COASY: variants seen among roughly 807,000 people sequenced by gnomAD.
The protein encoded by COASY is bifunctional coenzyme A synthase.
Under a neutral mutation model 49.4 loss-of-function variants are expected in COASY, and 31 were observed. That is an observed-to-expected ratio of 0.63 (90% CI 0.47 to 0.85). The LOEUF is 0.85. COASY is among the 40% of genes least tolerant of loss of function. The pLI, the probability that COASY is intolerant of heterozygous loss-of-function variation, is 0.00. For synonymous variants in COASY, 285 were observed against 310.9 expected, an observed-to-expected ratio of 0.92 and a Z score of 0.88; for missense variants, 730 against 734.1, an observed-to-expected ratio of 0.99 and a Z score of 0.06.
At position 42,565,890 on chromosome 17, in the gene COASY, C is replaced by T; in HGVS notation, c.1633-16C>T. 6.2e-7 allele frequency: 1 copy of T among 1,614,020 alleles called. No individual in the cohort carries two copies. Among genetic ancestry groups the T allele is most frequent in the Non-Finnish European group, 8.5e-7 (1 of 1,180,038 alleles). On this transcript the variant is annotated splice_polypyrimidine_tract_variant and intron_variant, in intron 8 of 8. Coordinates refer to ENST00000393818, the MANE Select transcript of COASY (RefSeq NM_025233.7). ...CCCTGCCCTCTCTTCCTCCCAACAT[C>T]CTGGCCTGTCTGAAGGTGGAGAAAG... is the stretch of plus-strand genomic sequence containing the variant.
In COASY at chr17:42,563,625, C is replaced by A. The variant is rs1597713283; in HGVS notation, c.700+303C>A. On this transcript the variant is annotated intron_variant, in intron 1 of 8. Transcript: ENST00000393818. ...TGGGAATGAATGGGTGAGTGAGCTGCAGGTAGCAGTGCCACAGACAGGAGG... is the reference window on the plus strand; with the variant it reads ...TGGGAATGAATGGGTGAGTGAGCTGAAGGTAGCAGTGCCACAGACAGGAGG... 6 of 515,912 alleles carry A rather than the reference C, an allele frequency of 1.2e-5. No homozygotes were observed. The East Asian group carries it at 1.7e-4, about 14-fold the overall frequency. 32.0% of individuals were successfully genotyped at this position (515,912 alleles called of 1,614,324 possible). A position where few individuals can be genotyped will look rare whatever the true frequency, so the allele number is the denominator to read the frequency against.
Position 42,563,159 on chromosome 17 carries a change from C to A in COASY, c.537C>A (p.Pro179=). The A allele has an allele frequency of 6.2e-7, 1 of 1,613,984 alleles. No homozygotes were observed. Among genetic ancestry groups the A allele is most frequent in the South Asian group, 1.1e-5 (1 of 91,082 alleles). Residue 179 remains proline, a synonymous_variant, in exon 1 of 9, where the codon CCC becomes CCA. Transcript: ENST00000393818. ...CCTCCACGATCAGGCCAGCTTCCCC[C>A]GTGGCCGGGTCTCCAAAGCAGCCGG... The part of the protein sequence containing the change: ...PLPSTIRPAS[P]VAGSPKQPVR...
Position 42,563,085 on chromosome 17 carries a change from G to A in COASY, c.463G>A (p.Asp155Asn). Reference protein sequence around the residue: ...PRLASVLLYSDYGIGEVPVEP... With the variant: ...PRLASVLLYSNYGIGEVPVEP... ...ACTGGCCTCGGTGCTGCTATACTCC[G>A]ATTATGGGATAGGAGAAGTGCCCGT... The change falls in exon 1 of 9, where the codon GAT (aspartate) becomes AAT (asparagine). Residue 155 changes from aspartate to asparagine, a missense_variant. Transcript: ENST00000393818. The A allele has an allele frequency of 6.2e-7, 1 of 1,613,944 alleles. No homozygotes were observed. Among genetic ancestry groups the A allele is most frequent in the South Asian group, 1.1e-5 (1 of 91,084 alleles).
Position 42,563,002 on chromosome 17 carries a change from A to G in COASY, c.380A>G (p.Asn127Ser). ...DFQTLDGSQY[N>S]PVKQQLVRYA... The stretch of plus-strand genomic sequence containing the variant: ...CAGACCCTGGATGGAAGCCAGTACA[A>G]CCCGGTCAAACAGCAGCTAGTGCGT... The change falls in exon 1 of 9, where the codon AAC becomes AGC. Residue 127 changes from asparagine to serine, a missense_variant. By Grantham distance (46) the Asn-to-Ser change is conservative. Transcript: ENST00000393818. 1 of 1,613,976 alleles carries G rather than the reference A, an allele frequency of 6.2e-7. No homozygotes were observed. The highest frequency in any genetic ancestry group is 8.5e-7 in the Non-Finnish European group (1 of 1,179,986).
rs754871882 is a variant in COASY at position 42,565,587 on chromosome 17, C to A, written c.1485+19C>A. On this transcript the variant is annotated intron_variant, in intron 7 of 8. Transcript: ENST00000393818. ...GACTGAGGTATCTCGCCCCACCCCC[C>A]ACACCATCCCTACTGCAGATCCTAT... The A allele has an allele frequency of 4.3e-6, 7 of 1,614,046 alleles. No homozygotes were observed. The Admixed American group carries it at 5.0e-5, about 12-fold the overall frequency.
Position 42,565,966 on chromosome 17 carries a change from T to G in COASY, c.1693T>G (p.Ter565GlyextTer25), listed in dbSNP as rs781511200. The G allele has an allele frequency of 1.2e-6, 2 of 1,613,648 alleles. No homozygotes were observed. Among genetic ancestry groups the G allele is most frequent in the East Asian group, 4.5e-5 (2 of 44,892 alleles). Residue 565 changes from the stop codon to glycine, a stop_lost, in exon 9 of 9, where the codon TGA becomes GGA. Transcript: ENST00000393818. ...RIPKTHQALD* is the reference protein window; with the variant it reads ...RIPKTHQALDG Reference sequence around the variant, plus strand: ...TCCCAAGACTCATCAGGCCCTCGACTGAAAAGTTCTCAGTGGGGCCAGACT... The same window carrying G: ...TCCCAAGACTCATCAGGCCCTCGACGGAAAAGTTCTCAGTGGGGCCAGACT...
chr17:42,563,283 C>T lies in COASY; in HGVS notation c.661C>T (p.Gln221Ter). The stretch of plus-strand genomic sequence containing the variant: ...TGTCGCGTGCATCCTGGCCCAGGAG[C>T]AGCTTGTGGTGGGAGTAGCAGACAA... ...LSVACILAQE[Q>*]LVVGVADKDL... Residue 221 changes from glutamine to a stop codon, truncating the protein, a stop_gained, in exon 1 of 9, where the codon CAG (glutamine) becomes TAG (stop). Coordinates refer to ENST00000393818, the MANE Select transcript of COASY (RefSeq NM_025233.7). LOFTEE classifies it high-confidence loss of function. The T allele has an allele frequency of 6.2e-7, 1 of 1,605,158 alleles. No individual in the cohort carries two copies. Among genetic ancestry groups the T allele is most frequent in the South Asian group, 1.1e-5 (1 of 91,030 alleles).
Position 42,565,823 on chromosome 17 carries a change from G to A in COASY, c.1632+18G>A. 6.2e-7 allele frequency: 1 copy of A among 1,613,938 alleles called. No homozygotes were observed. The highest frequency in any genetic ancestry group is 8.5e-7 in the Non-Finnish European group (1 of 1,179,982). On this transcript the variant is annotated intron_variant, in intron 8 of 8. Coordinates refer to ENST00000393818, the MANE Select transcript of COASY (RefSeq NM_025233.7). Reference sequence around the variant, plus strand: ...AACGCCAGGTTGGTGCCCAGGGCAAGGCCGGGTTGTGGGGAAGGAGTCTCC... The same window carrying A: ...AACGCCAGGTTGGTGCCCAGGGCAAAGCCGGGTTGTGGGGAAGGAGTCTCC...
Position 42,562,811 on chromosome 17 carries a change from G to A in COASY, c.189G>A (p.Glu63=), listed in dbSNP as rs768104219. 8 of 1,612,736 alleles carry A rather than the reference G, an allele frequency of 5.0e-6. No homozygotes were observed. The East Asian group carries it at 6.7e-5, about 13-fold the overall frequency. Residue 63 remains glutamate (E), a synonymous_variant, in exon 1 of 9, where the codon GAG becomes GAA. Transcript: ENST00000393818. ...CCAGCCCCGTGCAGGCCACGTTTGA[G>A]GTTCTTGATTTCATCACGCACCTCT... ...PQSSPVQATF[E]VLDFITHLYA...
chr17:42,565,701 G>A lies in COASY; in HGVS notation c.1528G>A (p.Ala510Thr), dbSNP rs199623481. The A allele has an allele frequency of 2.2e-5, 35 of 1,614,014 alleles. No homozygotes were observed. In the East Asian group the frequency reaches 5.8e-4, roughly 27 times the overall value. The change falls in exon 8 of 9, where the codon GCG becomes ACG. Residue 510 changes from alanine (A) to threonine (T), a missense_variant. Physicochemically the swap from Ala to Thr is moderately conservative, Grantham distance 58 (BLOSUM62 0). Coordinates refer to ENST00000393818, the MANE Select transcript of COASY (RefSeq NM_025233.7). Reference protein sequence around the residue: ...IVERDGLSEAAAQSRLQSQMS... With the variant: ...IVERDGLSEATAQSRLQSQMS... ...GGAGAGGGATGGCCTCAGTGAAGCC[G>A]CGGCTCAAAGCCGGCTGCAGAGCCA... is the stretch of plus-strand genomic sequence containing the variant.
chr17:42,564,899 G>T lies in COASY; in HGVS notation c.1237+1G>T. The stretch of plus-strand genomic sequence containing the variant: ...CCTGTGGTGGAGGCCTTTGGAACAG[G>T]TAATAACTGGGGAAGGCTGAAAGTG... On this transcript the variant is annotated splice_donor_variant, in intron 4 of 8. Coordinates refer to ENST00000393818, the MANE Select transcript of COASY (RefSeq NM_025233.7). LOFTEE classifies it high-confidence loss of function. 5 of 1,613,134 alleles carry T rather than the reference G, an allele frequency of 3.1e-6. No individual in the cohort carries two copies. Among genetic ancestry groups the T allele is most frequent in the Non-Finnish European group, 4.2e-6 (5 of 1,179,346 alleles).
In COASY at chr17:42,562,773, G is replaced by T; in HGVS notation, c.151G>T (p.Ala51Ser). Reference sequence around the variant, plus strand: ...GCCGGGCATGAGCCTGGAGGGCCCGGCTCAGCCCCAGTCCAGCCCCGTGCA... The same window carrying T: ...GCCGGGCATGAGCCTGGAGGGCCCGTCTCAGCCCCAGTCCAGCCCCGTGCA... ...LQPGMSLEGP[A>S]QPQSSPVQAT... is the part of the protein sequence containing the mutation. Residue 51 changes from alanine to serine, a missense_variant, in exon 1 of 9, where the codon GCT (alanine) becomes TCT (serine). Coordinates refer to ENST00000393818, the MANE Select transcript of COASY (RefSeq NM_025233.7). 1 of 1,601,356 alleles carries T rather than the reference G, an allele frequency of 6.2e-7. No homozygotes were observed. The highest frequency in any genetic ancestry group is 1.1e-5 in the South Asian group (1 of 90,732).
chr17:42,562,185 G>C lies in COASY; in HGVS notation c.-438G>C, dbSNP rs2092977865. 4.3e-6 allele frequency: 2 copies of C among 466,856 alleles called. No individual in the cohort carries two copies. The highest frequency in any genetic ancestry group is 2.0e-5 in the African/African-American group (1 of 49,600). The allele number at this position is 466,856 out of a possible 1,614,324, so 28.9% of individuals were successfully genotyped here. A position where few individuals can be genotyped will look rare whatever the true frequency, so the allele number is the denominator to read the frequency against. ...GGGTTGCAGCCAGGGAAGCCTCCGC[G>C]GTGGTGCAAGTGGAACCCAAGCCTT... On this transcript the variant is annotated 5_prime_UTR_variant, in exon 1 of 9. Coordinates refer to ENST00000393818, the MANE Select transcript of COASY (RefSeq NM_025233.7).
rs762573411 is a variant in COASY at position 42,563,198 on chromosome 17, C to T, written c.576C>T (p.Tyr192=). The change falls in exon 1 of 9, where the codon TAC becomes TAT. Residue 192 remains tyrosine (Y), a synonymous_variant. Transcript: ENST00000393818. ...GSPKQPVRGY[Y]RGAVGGTFDR... ...CAAAGCAGCCGGTGCGTGGCTACTACCGTGGCGCTGTCGGTGGCACGTTTG... is the reference window on the plus strand; with the variant it reads ...CAAAGCAGCCGGTGCGTGGCTACTATCGTGGCGCTGTCGGTGGCACGTTTG... 2 of 1,613,918 alleles carry T rather than the reference C, an allele frequency of 1.2e-6. No homozygotes were observed. Among genetic ancestry groups the T allele is most frequent in the Admixed American group, 1.7e-5 (1 of 60,024 alleles).
chr17:42,564,977 G>C lies in COASY; in HGVS notation c.1238-6G>C, dbSNP rs2092994874. On this transcript the variant is annotated splice_polypyrimidine_tract_variant and splice_region_variant and intron_variant, in intron 4 of 8. Coordinates refer to ENST00000393818, the MANE Select transcript of COASY (RefSeq NM_025233.7). ...CTGTGCTCAGTTGTCTGTCTGTGTT[G>C]TCCAGATATTCTCCATAAAGATGGC... 1.2e-6 allele frequency: 2 copies of C among 1,614,070 alleles called. No homozygotes were observed. Among genetic ancestry groups the C allele is most frequent in the Non-Finnish European group, 1.7e-6 (2 of 1,180,026 alleles).
At chr17:42,563,887 A>G (rs2092989232) in intron 1 of COASY, 74 bp from the exon 2 acceptor site, 2 of 1,251,222 alleles carry the variant, frequency 1.6e-6, no homozygotes, top group African/African-American at 3.0e-5. Context: ...ACTTAGGGAC[A>G]CTTTTTCCCA....
chr17:42,565,729 T>G lies in COASY; in HGVS notation c.1556T>G (p.Met519Arg), dbSNP rs2143225789. 1.2e-6 allele frequency: 2 copies of G among 1,613,922 alleles called. No homozygotes were observed. The highest frequency in any genetic ancestry group is 2.7e-5 in the African/African-American group (2 of 75,054). The change falls in exon 8 of 9, where the codon ATG becomes AGG. Residue 519 changes from methionine (M) to arginine (R), a missense_variant. Transcript: ENST00000393818. ...GCTCAAAGCCGGCTGCAGAGCCAGA[T>G]GAGCGGGCAGCAGCTTGTGGAACAG... ...AAAQSRLQSQ[M>R]SGQQLVEQSH... is the part of the protein sequence containing the mutation.
At chr17:42,563,934 C>G (rs371637855) in intron 1 of COASY, 27 bp from the exon 2 acceptor site, 18 of 1,559,242 alleles carry the variant, frequency 1.2e-5, no homozygotes, top group Non-Finnish European at 1.6e-5. Flanking sequence ...AAAAAGATCT[C>G]ACTGTTCTTC....
chr17:42,566,104 G>T lies in COASY; in HGVS notation c.*136G>T. ...TACTGTGCAGGACATGGCCAGGCCT[G>T]GTGGACACAGGAAGCCTACCCAACA... is the stretch of plus-strand genomic sequence containing the variant. On this transcript the variant is annotated 3_prime_UTR_variant, in exon 9 of 9. Coordinates refer to ENST00000393818, the MANE Select transcript of COASY (RefSeq NM_025233.7). 1 of 879,040 alleles carries T rather than the reference G, an allele frequency of 1.1e-6. No homozygotes were observed. Among genetic ancestry groups the T allele is most frequent in the Non-Finnish European group, 1.8e-6 (1 of 556,218 alleles). 54.5% of individuals were successfully genotyped at this position (879,040 alleles called of 1,614,324 possible).
Sources: allele counts gnomAD v4.1 joint callset, GRCh38; gene constraint gnomAD v4.1.1; transcripts MANE v1.5; gene names NCBI Gene and HGNC (gene_info 2026-07-23, HGNC 2026-07-21).